Variants in PARG observed in about 807,000 individuals in gnomAD.
PARG encodes mitochondrial poly(ADP-ribose) glycohydrolase.
Under a neutral mutation model 113.0 loss-of-function variants are expected in PARG, and 35 were observed. The observed-to-expected ratio is 0.31, with a 90% CI of 0.24 to 0.41. The LOEUF (loss-of-function observed/expected upper bound fraction) is 0.41, where lower values mean the gene tolerates loss of function less well. PARG is among the 10% of genes least tolerant of loss of function. PARG has a pLI of 1.00. For missense variants in PARG, 797 were observed against 1,169.4 expected, an observed-to-expected ratio of 0.68 and a Z score of 4.64; for synonymous variants, 330 against 409.9, an observed-to-expected ratio of 0.81 and a Z score of 2.36.
chr10:49,823,575 C>T (rs1844212412), intron 16 of PARG, among the ~76,000 whole-genome samples: 1 of 151,938 alleles, frequency 6.6e-6, no homozygotes, highest in African/African-American at 2.4e-5. Flanking sequence ...CCAACTTATC[C>T]ATACATTAAA....
intron 16 of PARG, among the ~76,000 whole-genome samples, chr10:49,829,526 G>C (rs1013796478): frequency 2.6e-5 from 4 of 152,088 alleles, no homozygotes; most frequent in Non-Finnish European, 5.9e-5. Flanking sequence ...CAATAAAAAA[G>C]ATGCAGATTA....
intron 4 of PARG, among the ~76,000 whole-genome samples, chr10:49,930,530 A>C (rs1838431137): frequency 1.3e-5 from 2 of 152,190 alleles, no homozygotes; most frequent in Admixed American, 1.3e-4. Flanking sequence ...CCCCACCCAA[A>C]TTCCACACTC....
At chr10:49,941,333 T>TG (rs1839048996) in intron 1 of PARG, among the ~76,000 whole-genome samples, 176 bp downstream of exon 1, 2 of 152,116 alleles carry the variant, frequency 1.3e-5, no homozygotes, top group South Asian at 4.1e-4. Flanking sequence ...TCAATCGCAC[T>TG]GGGAAAAATG....
intron 1 of PARG, among the ~76,000 whole-genome samples, chr10:49,936,744 A>G (rs1230562981): frequency 2.6e-5 from 4 of 152,320 alleles, no homozygotes; most frequent in African/African-American, 7.2e-5. Flanking sequence ...CCTCTCCTAA[A>G]ACACCATATG....
chr10:49,899,695 C>A (rs1366384803), intron 7 of PARG, among the ~76,000 whole-genome samples: 1 of 151,806 alleles, frequency 6.6e-6, no homozygotes, highest in Non-Finnish European at 1.5e-5. Context: ...TAGCAGAGGG[C>A]AAGGTGGTGT....
chr10:49,907,467 G>T (rs1836918593), intron 7 of PARG, among the ~76,000 whole-genome samples: 1 of 152,126 alleles, frequency 6.6e-6, no homozygotes, highest in Non-Finnish European at 1.5e-5. Context: ...GACCTATTTA[G>T]TCTTTGATGA....
intron 15 of PARG, among the ~76,000 whole-genome samples, chr10:49,836,327 T>TG (rs1844927432): frequency 7.2e-6 from 1 of 139,134 alleles, no homozygotes; most frequent in Admixed American, 7.3e-5. Context: ...TTTTTTTTTT[T>TG]TTTTTTTTTA....
chr10:49,819,276 A>G lies in PARG; in HGVS notation c.*64T>C. 1 of 1,320,268 alleles carries G rather than the reference A, an allele frequency of 7.6e-7. No individual in the cohort carries two copies. The highest frequency in any genetic ancestry group is 1.0e-6 in the Non-Finnish European group (1 of 955,256). The allele number at this position is 1,320,268 out of a possible 1,614,324, so 81.8% of individuals were successfully genotyped here. A position where few individuals can be genotyped will look rare whatever the true frequency, so the allele number is the denominator to read the frequency against. On this transcript the variant is annotated 3_prime_UTR_variant, in exon 18 of 18. Coordinates refer to ENST00000616448, the MANE Select transcript of PARG (RefSeq NM_003631.5). ...TAACTTAAGTCAATTCATATATTAC[A>G]CCTGACAGCTCAAACAGGACGTCTC...
At chr10:49,923,226 C>A (rs1554849806) in intron 4 of PARG, among the ~76,000 whole-genome samples, 1 of 152,074 alleles carries the variant, frequency 6.6e-6, no homozygotes, top group South Asian at 2.1e-4. Context: ...GGTTAAATCT[C>A]TATTGTCACC....
intron 16 of PARG, among the ~76,000 whole-genome samples, chr10:49,831,367 C>T (rs1844652764): frequency 6.6e-6 from 1 of 152,130 alleles, no homozygotes; most frequent in Non-Finnish European, 1.5e-5. Context: ...GCTATTAAGG[C>T]CAGCTGGCTG....
Position 49,821,940 on chromosome 10 carries a change from A to G in PARG, c.2648-1647T>C, listed in dbSNP as rs562817225. Among the ~76,000 whole-genome samples, 3 of 152,316 alleles carry G rather than the reference A, an allele frequency of 2.0e-5. No individual in the cohort carries two copies. The East Asian group carries it at 5.8e-4, about 29-fold the overall frequency. On this transcript the variant is annotated intron_variant, in intron 16 of 17. Coordinates refer to ENST00000616448, the MANE Select transcript of PARG (RefSeq NM_003631.5). ...TTATATAAGTCCATAAGACCATAATATATGGTCTTAGGCCAGAAAGAGAGA... is the reference window on the plus strand; with the variant it reads ...TTATATAAGTCCATAAGACCATAATGTATGGTCTTAGGCCAGAAAGAGAGA...
intron 10 of PARG, among the ~76,000 whole-genome samples, chr10:49,868,543 T>C (rs1554837325): frequency 1.3e-5 from 2 of 152,166 alleles, no homozygotes; most frequent in African/African-American, 4.8e-5. Context: ...CCAAGTACAC[T>C]GTAATGCAAG....
chr10:49,881,411 C>T (rs12218173), intron 8 of PARG, among the ~76,000 whole-genome samples: 5 of 152,194 alleles, frequency 3.3e-5, no homozygotes, highest in African/African-American at 1.2e-4. Flanking sequence ...TAAAGACATG[C>T]TGATAAAATC....
chr10:49,894,268 T>C (rs2941181), intron 7 of PARG, among the ~76,000 whole-genome samples: 1 of 151,660 alleles, frequency 6.6e-6, no homozygotes, highest in Non-Finnish European at 1.5e-5. Context: ...CCTTGAACTC[T>C]TGTACTCCAG....
chr10:49,934,328 C>T (rs1273658459), intron 2 of PARG, among the ~76,000 whole-genome samples, 165 bp from the exon 3 acceptor site: 1 of 152,110 alleles, frequency 6.6e-6, no homozygotes, highest in African/African-American at 2.4e-5. Flanking sequence ...TAATGCCCTC[C>T]CTGCAGCTGT....
chr10:49,857,390 T>G lies in PARG; in HGVS notation c.2269A>C (p.Ile757Leu), dbSNP rs1180610965. 1 of 1,591,664 alleles carries G rather than the reference T, an allele frequency of 6.3e-7. No individual in the cohort carries two copies. The highest frequency in any genetic ancestry group is 8.6e-7 in the Non-Finnish European group (1 of 1,163,480). The stretch of plus-strand genomic sequence containing the variant: ...AACTCAGGATTGATTAAAAAGCGGA[T>G]TTCTTCTTGCACAAGTCCTGCACTG... ...VTSAGLVQEE[I>L]RFLINPELII... The change falls in exon 13 of 18, where the codon ATC becomes CTC. Residue 757 changes from isoleucine to leucine, a missense_variant. Ile to Leu is a conservative substitution (Grantham distance 5). This residue lies in a region of PARG where 40 missense variants were observed against 124.5 expected (regional missense o/e 0.32). Transcript: ENST00000616448.
chr10:49,869,071 G>T lies in PARG; in HGVS notation c.2068+405C>A, dbSNP rs868921737. 3.3e-3 allele frequency among the ~76,000 whole-genome samples: 503 copies of T among 150,636 alleles called. 2 individuals are homozygous for T. The highest frequency in any genetic ancestry group is 0.011 in the African/African-American group (452 of 41,028). On this transcript the variant is annotated intron_variant, in intron 10 of 17. Coordinates refer to ENST00000616448, the MANE Select transcript of PARG (RefSeq NM_003631.5). ...TATAAGAACTCCACAAAGGGCTTAG[G>T]GGGGCACAAAAGAGAGGAATGGGTA...
intron 6 of PARG, among the ~76,000 whole-genome samples, chr10:49,919,619 G>C (rs10857545): frequency 0.094 from 14,357 of 152,068 alleles, 1,106 homozygotes; most frequent in East Asian, 0.32. Flanking sequence ...AGGAGTTTGA[G>C]ACCAGCATGG....
intron 7 of PARG, among the ~76,000 whole-genome samples, chr10:49,892,270 T>C (rs1554841755): frequency 6.6e-6 from 1 of 152,194 alleles, no homozygotes; most frequent in Admixed American, 6.5e-5. Context: ...AGAAAATTAA[T>C]GTAAACAAAA....
Sources: allele counts gnomAD v4.1 joint callset (sites outside exome capture counted in the v4.1 genomes callset), GRCh38; gene constraint gnomAD v4.1.1; regional missense constraint gnomAD v4.1.1; transcripts MANE v1.5; gene names NCBI Gene and HGNC (gene_info 2026-07-23, HGNC 2026-07-21).